NPAS3: variants seen among roughly 807,000 people sequenced by gnomAD.
NPAS3 encodes the protein neuronal PAS domain protein 3.
NPAS3 carries 14 observed loss-of-function variants against 73.1 expected under a neutral mutation model. That is an observed-to-expected ratio of 0.19 (90% CI 0.13 to 0.30). NPAS3 has a LOEUF of 0.30. Ranked by LOEUF, NPAS3 falls within the 10% of genes least tolerant of loss-of-function variation. The probability of loss-of-function intolerance (pLI) is 1.00; values close to 1 mark genes in which losing one functional copy is unlikely to be tolerated. For synonymous variants in NPAS3, 620 were observed against 541.5 expected, an observed-to-expected ratio of 1.14 and a Z score of -2.01; for missense variants, 1,096 against 1,250.0, an observed-to-expected ratio of 0.88 and a Z score of 1.86.
At chr14:33,676,247 C>T (rs1239017639) in exon 6 of NPAS3, 2 of 1,613,758 alleles carry the variant, frequency 1.2e-6, no homozygotes, top group Admixed American at 1.7e-5. Context: ...TGACTATGTC[C>T]ACCCCGGAGA....
chr14:32,975,765 C>CAA (rs951228817), intron 1 of NPAS3, among the ~76,000 whole-genome samples: 5 of 151,800 alleles, frequency 3.3e-5, no homozygotes, highest in Admixed American at 6.6e-5. Flanking sequence ...CAAAACAAAA[C>CAA]AACAGCAACA....
At chr14:33,787,997 C>T (rs2063229971) in intron 9 of NPAS3, among the ~76,000 whole-genome samples, 1 of 152,120 alleles carries the variant, frequency 6.6e-6, no homozygotes, top group Admixed American at 6.5e-5. Context: ...AGTCCTGTTT[C>T]CAGAATGAAG....
In NPAS3 at chr14:33,042,053, C is replaced by T. The variant is rs2040363953; in HGVS notation, c.51-13852C>T. 2.6e-5 allele frequency among the ~76,000 whole-genome samples: 4 copies of T among 152,034 alleles called. No individual in the cohort carries two copies. In the South Asian group the frequency reaches 8.3e-4, roughly 32 times the overall value. On this transcript the variant is annotated intron_variant, in intron 1 of 11. Coordinates refer to ENST00000356141, the Ensembl canonical transcript of NPAS3. ...AACTTCTATGTTTATTAAAAAGAAACCATAAATATCAGTTCTATGGGGCAA... is the reference window on the plus strand; with the variant it reads ...AACTTCTATGTTTATTAAAAAGAAATCATAAATATCAGTTCTATGGGGCAA...
At chr14:33,500,298 A>T (rs1426204157) in intron 4 of NPAS3, among the ~76,000 whole-genome samples, 1 of 151,998 alleles carries the variant, frequency 6.6e-6, no homozygotes, top group Non-Finnish European at 1.5e-5. Context: ...TTTAGTTTGA[A>T]GCTGGAGTTC....
chr14:33,221,425 T>C (rs898414233), intron 3 of NPAS3, among the ~76,000 whole-genome samples: 1 of 152,064 alleles, frequency 6.6e-6, no homozygotes, highest in African/African-American at 2.4e-5. Context: ...TTATCCAGAG[T>C]AGTACTTGTG....
Position 33,800,592 on chromosome 14 carries a change from ACGGCGG to A in NPAS3, c.2289_2294del (p.Gly771_Gly772del), listed in dbSNP as rs2063675769. ...TCCCCGCGGGACAAGCACCCCGGGA[ACGGCGG>A]CGGGGGCGGGGGCGGGGGCGGCGGC... On this transcript the variant is annotated inframe_deletion, in exon 12 of 12. Transcript: ENST00000356141. The surrounding 1 kb of genome is among the most constrained non-coding windows in gnomAD (Gnocchi z 6.5). The A allele has an allele frequency of 2.3e-6, 3 of 1,299,092 alleles. No homozygotes were observed. Among genetic ancestry groups the A allele is most frequent in the South Asian group, 2.6e-5 (1 of 38,346 alleles). The allele number at this position is 1,299,092 out of a possible 1,614,324, so 80.5% of individuals were successfully genotyped here. A position where few individuals can be genotyped will look rare whatever the true frequency, so the allele number is the denominator to read the frequency against.
intron 5 of NPAS3, among the ~76,000 whole-genome samples, chr14:33,580,794 C>T (rs1255579729): frequency 3.3e-5 from 5 of 151,646 alleles, no homozygotes; most frequent in Non-Finnish European, 5.9e-5. Context: ...ACCCACCCTC[C>T]ACCGCACCCC....
At chr14:33,166,145 G>T (rs191580077) in intron 2 of NPAS3, among the ~76,000 whole-genome samples, 10 of 152,242 alleles carry the variant, frequency 6.6e-5, no homozygotes, top group Admixed American at 2.0e-4. Flanking sequence ...ACTCACAGAA[G>T]CCTCCCCCTC....
chr14:32,939,314 A>G, upstream of NPAS3: 1 of 643,716 alleles, frequency 1.6e-6, no homozygotes, highest in Non-Finnish European at 2.8e-6. Flanking sequence ...AAATAGCAGG[A>G]AGATGGCGCC....
intron 6 of NPAS3, among the ~76,000 whole-genome samples, chr14:33,714,306 T>G (rs1433050380): frequency 1.4e-5 from 1 of 70,080 alleles, no homozygotes; most frequent in Non-Finnish European, 2.8e-5. Flanking sequence ...AGGGAGACAT[T>G]TTTTTTCTTT....
rs375508553 is a variant in NPAS3 at position 33,800,958 on chromosome 14, C to A, written c.2651C>A (p.Pro884Gln). 84 of 1,599,964 alleles carry A rather than the reference C, an allele frequency of 5.3e-5. No homozygotes were observed. The highest frequency in any genetic ancestry group is 7.1e-5 in the Non-Finnish European group (83 of 1,174,166). ...GTGCACCGGCTCAACATGTCAGGAC[C>A]GTTCGGCGGCGCAGTGAGCGCAGCT... The change falls in exon 12 of 12, where the codon CCG (proline) becomes CAG (glutamine). Residue 884 changes from proline to glutamine, a missense_variant. This residue lies in a region of NPAS3 where 698 missense variants were observed against 676.7 expected (regional missense o/e 1.03). Coordinates refer to ENST00000356141, the Ensembl canonical transcript of NPAS3. This position sits in a 1 kb window ranked among gnomAD's most constrained non-coding sequence, Gnocchi z 6.5.
chr14:33,221,761 G>T (rs2047438438), intron 3 of NPAS3, among the ~76,000 whole-genome samples: 1 of 152,010 alleles, frequency 6.6e-6, no homozygotes, highest in Admixed American at 6.5e-5. Context: ...TTATTTTCCT[G>T]TAGCAACATT....
At chr14:33,311,366 G>A (rs2042995897) in intron 3 of NPAS3, among the ~76,000 whole-genome samples, 1 of 152,126 alleles carries the variant, frequency 6.6e-6, no homozygotes, top group East Asian at 1.9e-4. Flanking sequence ...CATTTTATGT[G>A]TAAGTTTCCT....
upstream of NPAS3, among the ~76,000 whole-genome samples, chr14:32,936,930 C>CTTTTTTTTT (rs35877969): frequency 7.2e-6 from 1 of 139,778 alleles, no homozygotes; most frequent in Non-Finnish European, 1.5e-5. Context: ...AAGACTAAGG[C>CTTTTTTTTT]TTTTTTTTTT....
At chr14:33,764,709 G>C (rs1045267851) in intron 7 of NPAS3, among the ~76,000 whole-genome samples, 1 of 152,212 alleles carries the variant, frequency 6.6e-6, no homozygotes, top group Admixed American at 6.5e-5. Context: ...GGGCTATGAA[G>C]GGCGACACCC....
chr14:33,110,033 C>T (rs964736392), intron 2 of NPAS3, among the ~76,000 whole-genome samples: 1 of 151,870 alleles, frequency 6.6e-6, no homozygotes. Context: ...AAGGCTATTT[C>T]TGTGTCCTGG....
intron 2 of NPAS3, among the ~76,000 whole-genome samples, chr14:33,167,182 T>G (rs1208966941): frequency 6.6e-6 from 1 of 152,198 alleles, no homozygotes; most frequent in Non-Finnish European, 1.5e-5. Flanking sequence ...CTTTGTTTAT[T>G]AGCAACAAAA....
intron 2 of NPAS3, among the ~76,000 whole-genome samples, chr14:33,199,765 A>C (rs1271149694): frequency 7.3e-6 from 1 of 137,854 alleles, no homozygotes; most frequent in Non-Finnish European, 1.5e-5. Context: ...TTTCACTATA[A>C]TACCACTTCA....
At chr14:33,430,280 A>AGTTCTTCTTTC (rs2048728894) in intron 4 of NPAS3, among the ~76,000 whole-genome samples, 1 of 151,832 alleles carries the variant, frequency 6.6e-6, no homozygotes, top group African/African-American at 2.4e-5. Flanking sequence ...CCTTCCCTTC[A>AGTTCTTCTTTC]GTTCTTCTTT....
Sources: allele counts gnomAD v4.1 joint callset (sites outside exome capture counted in the v4.1 genomes callset), GRCh38; gene constraint gnomAD v4.1.1; regional missense constraint gnomAD v4.1.1; non-coding constraint Gnocchi (gnomAD v3.1); transcripts MANE v1.5; gene names NCBI Gene and HGNC (gene_info 2026-07-23, HGNC 2026-07-21).